RABGAP1L: variants seen among roughly 807,000 people sequenced by gnomAD.
RABGAP1L encodes the protein RAB GTPase activating protein 1 like, also known as rab GTPase-activating protein 1-like.
RABGAP1L carries 63 observed loss-of-function variants against 137.7 expected under a neutral mutation model. The observed-to-expected ratio is 0.46, with a 90% confidence interval of 0.37 to 0.56. RABGAP1L has a LOEUF of 0.56. Among genes scored for constraint, RABGAP1L ranks in the 20% least tolerant of loss-of-function variants. The pLI, the probability that RABGAP1L is intolerant of heterozygous loss-of-function variation, is 0.00. For synonymous variants in RABGAP1L, 431 were observed against 433.7 expected, an observed-to-expected ratio of 0.99 and a Z score of 0.08; for missense variants, 1,095 against 1,244.0, an observed-to-expected ratio of 0.88 and a Z score of 1.80.
chr1:174,823,518 C>T (rs1691253049), intron 19 of RABGAP1L, among the ~76,000 whole-genome samples: 1 of 152,178 alleles, frequency 6.6e-6, no homozygotes, highest in Non-Finnish European at 1.5e-5. Flanking sequence ...AAACATTCCT[C>T]TGAACCCTTG....
intron 14 of RABGAP1L, among the ~76,000 whole-genome samples, chr1:174,675,729 T>C (rs1461209615): frequency 6.6e-6 from 1 of 152,196 alleles, no homozygotes; most frequent in African/African-American, 2.4e-5. Context: ...TTAGATGTCA[T>C]GGAATCTATG....
At chr1:174,824,953 T>C (rs1333404407) in intron 19 of RABGAP1L, among the ~76,000 whole-genome samples, 1 of 152,202 alleles carries the variant, frequency 6.6e-6, no homozygotes, top group Non-Finnish European at 1.5e-5. Flanking sequence ...GACAACAAAC[T>C]ACTGAGGAGA....
rs1675740662 is a variant in RABGAP1L, at chr1:174,653,668, G to A, written c.1824+16180G>A. Reference sequence around the variant, plus strand: ...AACGCAGAAATCACCCGCCTTCTGCGTTGATCTAGCTGGGAGCTGCAGACT... The same window carrying A: ...AACGCAGAAATCACCCGCCTTCTGCATTGATCTAGCTGGGAGCTGCAGACT... On this transcript the variant is annotated intron_variant, in intron 14 of 25. Coordinates refer to ENST00000681986, the MANE Select transcript of RABGAP1L (RefSeq NM_001366446.1). Among the ~76,000 whole-genome samples the A allele has an allele frequency of 4.6e-5, 7 of 152,206 alleles. 1 individual carries two copies. In the South Asian group the frequency reaches 1.2e-3, roughly 27 times the overall value.
chr1:174,602,380 T>C (rs1394375240), intron 13 of RABGAP1L, among the ~76,000 whole-genome samples: 2 of 152,090 alleles, frequency 1.3e-5, no homozygotes, highest in Non-Finnish European at 2.9e-5. Flanking sequence ...GTGAGACTTA[T>C]TCACTACACC....
chr1:174,352,900 T>C (rs1683317952), intron 11 of RABGAP1L, among the ~76,000 whole-genome samples: 1 of 152,198 alleles, frequency 6.6e-6, no homozygotes, highest in African/African-American at 2.4e-5. Flanking sequence ...AGGCAGAGAC[T>C]CTTGTTCTCT....
intron 13 of RABGAP1L, among the ~76,000 whole-genome samples, chr1:174,433,884 C>G (rs752104955): frequency 3.9e-5 from 6 of 152,140 alleles, no homozygotes; most frequent in Non-Finnish European, 8.8e-5. Flanking sequence ...ACACAGAACT[C>G]GAACACTTGA....
chr1:174,674,982 A>T (rs1421360134), intron 14 of RABGAP1L, among the ~76,000 whole-genome samples: 2,116 of 120,630 alleles, frequency 0.018, no homozygotes, highest in South Asian at 0.024. Flanking sequence ...TAGATTCTGG[A>T]TATTAGCCCT....
intron 13 of RABGAP1L, among the ~76,000 whole-genome samples, chr1:174,585,843 G>T (rs977944425): frequency 1.3e-5 from 2 of 152,146 alleles, no homozygotes; most frequent in Non-Finnish European, 2.9e-5. Flanking sequence ...AATGAAAATT[G>T]TTTCAAAGGA....
intron 19 of RABGAP1L, among the ~76,000 whole-genome samples, chr1:174,946,507 T>C (rs145305163): frequency 8.8e-4 from 134 of 152,260 alleles, no homozygotes; most frequent in Admixed American, 1.2e-3. Flanking sequence ...GTCATTATTA[T>C]AGGGCCTGTG....
At chr1:174,945,161 G>A (rs1666532178) in intron 19 of RABGAP1L, among the ~76,000 whole-genome samples, 1 of 152,146 alleles carries the variant, frequency 6.6e-6, no homozygotes, top group Admixed American at 6.5e-5. Context: ...TCAGCTTTCT[G>A]TGGTCCAATT....
rs1687759530 is a variant in RABGAP1L, at chr1:174,790,387, G to T, written c.2212-21445G>T. ...GCCTGTAATCCTAGCACTTTGGGAG[G>T]CCAAGGTGGGTAGATCACCTGAGGT... On this transcript the variant is annotated intron_variant, in intron 18 of 25. Coordinates refer to ENST00000681986, the MANE Select transcript of RABGAP1L (RefSeq NM_001366446.1). 2.0e-5 allele frequency among the ~76,000 whole-genome samples: 3 copies of T among 152,142 alleles called. No individual in the cohort carries two copies. In the South Asian group the frequency reaches 6.2e-4, roughly 31 times the overall value.
chr1:174,480,507 A>T (rs1237799095), intron 13 of RABGAP1L, among the ~76,000 whole-genome samples: 1 of 152,220 alleles, frequency 6.6e-6, no homozygotes, highest in Admixed American at 6.5e-5. Context: ...GAAGCCTGGG[A>T]TTAGTGAGCT....
intron 19 of RABGAP1L, among the ~76,000 whole-genome samples, chr1:174,879,161 C>T (rs1653719416): frequency 6.7e-6 from 1 of 149,934 alleles, no homozygotes; most frequent in South Asian, 2.1e-4. Flanking sequence ...AGTGCAATGG[C>T]ACGATCTCAG....
chr1:174,601,360 T>G (rs1211696341), intron 13 of RABGAP1L, among the ~76,000 whole-genome samples: 1 of 152,206 alleles, frequency 6.6e-6, no homozygotes, highest in African/African-American at 2.4e-5. Flanking sequence ...CTTATGCAAA[T>G]TTCTGTAGCC....
intron 15 of RABGAP1L, among the ~76,000 whole-genome samples, chr1:174,691,076 A>C (rs1268560691): frequency 6.6e-6 from 1 of 151,964 alleles, no homozygotes; most frequent in Non-Finnish European, 1.5e-5. Context: ...AAGTGATCAC[A>C]CACAGCCTCC....
chr1:174,413,526 C>A (rs1480114044), intron 13 of RABGAP1L, among the ~76,000 whole-genome samples: 1 of 152,134 alleles, frequency 6.6e-6, no homozygotes, highest in Non-Finnish European at 1.5e-5. Context: ...TGAGATTTTT[C>A]ATGGTGCCAG....
intron 19 of RABGAP1L, chr1:174,892,596 T>C: frequency 1.9e-6 from 1 of 533,786 alleles, no homozygotes; most frequent in East Asian, 5.3e-5. Flanking sequence ...TGCCATTCTT[T>C]GGTGGTTGGT....
At chr1:174,975,376 AG>A (rs1670558106) in intron 21 of RABGAP1L, among the ~76,000 whole-genome samples, 1 of 152,226 alleles carries the variant, frequency 6.6e-6, no homozygotes. Context: ...GAGGCCTAAA[AG>A]GTGAGAGCCT....
Position 174,278,671 on chromosome 1 carries a change from T to C in RABGAP1L, c.1215T>C (p.Pro405=). The change falls in exon 10 of 26, where the codon CCT becomes CCC. Residue 405 remains proline (P), a synonymous_variant. Coordinates refer to ENST00000681986, the MANE Select transcript of RABGAP1L (RefSeq NM_001366446.1). ...VDMVVTEVVE[P]VRFLLETVVR... is the part of the protein sequence containing the mutation. ...TGGTAGTCACAGAGGTGGTGGAGCCTGTTCGCTTTCTCCTGGAGACAGTAG... is the reference window on the plus strand; with the variant it reads ...TGGTAGTCACAGAGGTGGTGGAGCCCGTTCGCTTTCTCCTGGAGACAGTAG... 6.2e-7 allele frequency: 1 copy of C among 1,613,480 alleles called. No individual in the cohort carries two copies. Among genetic ancestry groups the C allele is most frequent in the Non-Finnish European group, 8.5e-7 (1 of 1,179,722 alleles).
Sources: allele counts gnomAD v4.1 joint callset (sites outside exome capture counted in the v4.1 genomes callset), GRCh38; gene constraint gnomAD v4.1.1; transcripts MANE v1.5; gene names NCBI Gene and HGNC (gene_info 2026-07-23, HGNC 2026-07-21).